The following TCERG1L variants were observed in gnomAD, a reference collection of about 807,000 sequenced individuals.
The protein encoded by TCERG1L is transcription elongation regulator 1-like protein.
Under a neutral mutation model 56.3 loss-of-function variants are expected in TCERG1L, and 37 were observed. The observed-to-expected ratio is 0.66, with a 90% CI of 0.51 to 0.87. The LOEUF is 0.87. Ranked by LOEUF, TCERG1L falls within the 40% of genes least tolerant of loss-of-function variation. TCERG1L has a pLI of 0.00. For synonymous variants in TCERG1L, 324 were observed against 326.3 expected, an observed-to-expected ratio of 0.99 and a Z score of 0.08; for missense variants, 799 against 774.2, an observed-to-expected ratio of 1.03 and a Z score of -0.38.
At chr10:131,188,314 C>T (rs573770227) in intron 4 of TCERG1L, among the ~76,000 whole-genome samples, 16 of 152,208 alleles carry the variant, frequency 1.1e-4, no homozygotes, top group African/African-American at 1.7e-4. Context: ...AACGGGCACG[C>T]GCTCCTCATT....
chr10:131,138,903 C>A (rs1032571380), intron 7 of TCERG1L, among the ~76,000 whole-genome samples: 1 of 152,148 alleles, frequency 6.6e-6, no homozygotes, highest in Admixed American at 6.5e-5. Flanking sequence ...GCAAAAAAAT[C>A]GAAAGACCAG....
At position 131,130,498 on chromosome 10, in the gene TCERG1L, T is replaced by G. The variant is rs12220237; in HGVS notation, c.1259+3881A>C. ...CCTCTTTGGCTTCTTCCATCCTGGC[T>G]GTCCCCTCAGGGCCCACGCCCCTGT... On this transcript the variant is annotated intron_variant, in intron 8 of 11. Transcript: ENST00000368642. Among the ~76,000 whole-genome samples the G allele has an allele frequency of 9.2e-3, 1,398 of 152,298 alleles. 69 individuals are homozygous for G. The highest frequency in any genetic ancestry group is 0.083 in the Admixed American group (1,271 of 15,290).
At chr10:131,177,195 GAC>G (rs1845105680) in intron 4 of TCERG1L, among the ~76,000 whole-genome samples, 1 of 37,936 alleles carries the variant, frequency 2.6e-5, no homozygotes, top group South Asian at 8.1e-4. Context: ...CACACACAAA[GAC>G]ACATGCAGAC....
At chr10:131,258,515 A>G (rs113748857) in intron 4 of TCERG1L, among the ~76,000 whole-genome samples, 3,280 of 152,282 alleles carry the variant, frequency 0.022, 126 homozygotes, top group African/African-American at 0.073. Context: ...CTCACAGCTC[A>G]GACCTGCTCA....
intron 6 of TCERG1L, among the ~76,000 whole-genome samples, chr10:131,159,745 T>C (rs993908338): frequency 1.1e-4 from 16 of 151,890 alleles, no homozygotes; most frequent in Admixed American, 2.0e-4. Flanking sequence ...GTGAGGAGAG[T>C]GTGCTGTTCC....
At chr10:131,186,809 T>G (rs1461543690) in intron 4 of TCERG1L, among the ~76,000 whole-genome samples, 2 of 152,114 alleles carry the variant, frequency 1.3e-5, no homozygotes, top group Non-Finnish European at 2.9e-5. Context: ...TTGTCATTGG[T>G]TGATTTTTGT....
At position 131,260,700 on chromosome 10, in the gene TCERG1L, A is replaced by T. The variant is rs1846229318; in HGVS notation, c.671-256T>A. Among the ~76,000 whole-genome samples the T allele has an allele frequency of 6.6e-6, 1 of 152,192 alleles. No homozygotes were observed. Among genetic ancestry groups the T allele is most frequent in the Non-Finnish European group, 1.5e-5 (1 of 68,040 alleles). On this transcript the variant is annotated intron_variant, in intron 3 of 11. Coordinates refer to ENST00000368642, the MANE Select transcript of TCERG1L (RefSeq NM_174937.4). This position sits in a 1 kb window ranked among gnomAD's most constrained non-coding sequence, Gnocchi z 5.8. ...ATGCCCAGTGAGCTGCAAGGCTTACAGTCACCAGGGGACGAGCCAGGACCC... is the reference window on the plus strand; with the variant it reads ...ATGCCCAGTGAGCTGCAAGGCTTACTGTCACCAGGGGACGAGCCAGGACCC...
At chr10:131,212,240 C>A (rs1293331201) in intron 4 of TCERG1L, among the ~76,000 whole-genome samples, 1 of 152,196 alleles carries the variant, frequency 6.6e-6, no homozygotes, top group South Asian at 2.1e-4. Context: ...CAGCAGCTCT[C>A]CCACTGCCTT....
chr10:131,186,084 C>T (rs1221325532), intron 4 of TCERG1L, among the ~76,000 whole-genome samples: 2 of 152,168 alleles, frequency 1.3e-5, no homozygotes, highest in East Asian at 3.9e-4. Context: ...AAGACATTAT[C>T]TTAAGTTAGA....
At chr10:131,188,526 G>T (rs1208381469) in intron 4 of TCERG1L, among the ~76,000 whole-genome samples, 4 of 152,260 alleles carry the variant, frequency 2.6e-5, no homozygotes. Flanking sequence ...ATAGCAGAAA[G>T]AAATCCTAAT....
chr10:131,112,650 C>T (rs1777520218), intron 9 of TCERG1L, among the ~76,000 whole-genome samples: 1 of 142,102 alleles, frequency 7.0e-6, no homozygotes, highest in African/African-American at 2.5e-5. Flanking sequence ...ACCGGGCTTC[C>T]ACCTCATCCT....
At chr10:131,185,126 G>A (rs749238921) in intron 4 of TCERG1L, among the ~76,000 whole-genome samples, 1 of 151,918 alleles carries the variant, frequency 6.6e-6, no homozygotes, top group Non-Finnish European at 1.5e-5. Flanking sequence ...TGTACATATA[G>A]ATAAAAATAT....
At chr10:131,131,029 C>A (rs967500455) in intron 8 of TCERG1L, among the ~76,000 whole-genome samples, 1 of 152,192 alleles carries the variant, frequency 6.6e-6, no homozygotes, top group Non-Finnish European at 1.5e-5. Flanking sequence ...CCCGTGAGCA[C>A]CCACGCAAGC....
At chr10:131,214,603 A>C (rs940757333) in intron 4 of TCERG1L, among the ~76,000 whole-genome samples, 9 of 152,238 alleles carry the variant, frequency 5.9e-5, no homozygotes, top group African/African-American at 1.9e-4. Flanking sequence ...AATGCCTGAC[A>C]CCCAGGAAGT....
rs57069081 is a variant in TCERG1L, at chr10:131,107,988, C to CACAG, written c.1396-3635_1396-3634insCTGT. 1.1e-4 allele frequency among the ~76,000 whole-genome samples: 17 copies of CACAG among 150,788 alleles called. No homozygotes were observed. In the South Asian group the frequency reaches 1.9e-3, roughly 17 times the overall value. ...ACACACACACACACACACACACACA[C>CACAG]AGAGTACCACTACCACCACCAAGGA... On this transcript the variant is annotated intron_variant, in intron 9 of 11. Coordinates refer to ENST00000368642, the MANE Select transcript of TCERG1L (RefSeq NM_174937.4).
chr10:131,293,598 T>G (rs1406300945), intron 3 of TCERG1L, among the ~76,000 whole-genome samples: 4 of 151,698 alleles, frequency 2.6e-5, no homozygotes, highest in Non-Finnish European at 5.9e-5. Context: ...AACTTCTCCC[T>G]CACACAGAAA....
rs575161484 is a variant in TCERG1L at position 131,154,276 on chromosome 10, T to C, written c.1035-7616A>G. ...TTGAATGAACACTGGGGTTGTTGCT[T>C]TGTTGTATGAAAGGACTCCCACACT... is the stretch of plus-strand genomic sequence containing the variant. On this transcript the variant is annotated intron_variant, in intron 6 of 11. Coordinates refer to ENST00000368642, the MANE Select transcript of TCERG1L (RefSeq NM_174937.4). 1.3e-4 allele frequency among the ~76,000 whole-genome samples: 20 copies of C among 152,194 alleles called. No homozygotes were observed. The East Asian group carries it at 3.9e-3, about 30-fold the overall frequency.
At chr10:131,233,708 C>T (rs1237341397) in intron 4 of TCERG1L, among the ~76,000 whole-genome samples, 1 of 152,134 alleles carries the variant, frequency 6.6e-6, no homozygotes, top group African/African-American at 2.4e-5. Context: ...TTTTAATCTC[C>T]ATTAAACGTT....
intron 9 of TCERG1L, 28 bp from the exon 10 acceptor site, chr10:131,104,382 T>G (rs1256684887): frequency 6.8e-7 from 1 of 1,466,966 alleles, no homozygotes; most frequent in Non-Finnish European, 9.3e-7. Context: ...ATAGAGTTGC[T>G]GTTAGCGTCT....
Sources: allele counts gnomAD v4.1 joint callset (sites outside exome capture counted in the v4.1 genomes callset), GRCh38; gene constraint gnomAD v4.1.1; non-coding constraint Gnocchi (gnomAD v3.1); transcripts MANE v1.5; gene names NCBI Gene and HGNC (gene_info 2026-07-23, HGNC 2026-07-21).